Variants in CDK8 observed in about 807,000 individuals in gnomAD.
CDK8 encodes cyclin dependent kinase 8.
A neutral mutation model predicts 71.5 loss-of-function variants in CDK8; 29 were observed. The ratio of observed to expected loss-of-function variants is 0.41; its 90% CI spans 0.30 to 0.55. The LOEUF (loss-of-function observed/expected upper bound fraction) is 0.55. CDK8 is among the 20% of genes least tolerant of loss of function. The pLI is 0.37. For missense variants in CDK8, 288 were observed against 572.6 expected (o/e 0.50, Z 5.07); for synonymous variants, 161 against 192.1 (o/e 0.84, Z 1.34).
intron 1 of CDK8, among the ~76,000 whole-genome samples, chr13:26,315,694 T>C (rs1874479092): frequency 6.6e-6 from 1 of 152,238 alleles, no homozygotes; most frequent in African/African-American, 2.4e-5. Context: ...AAGTTGAGGC[T>C]TGCTTTCTAG....
chr13:26,369,448 CAAAAA>C (rs1162252506), intron 4 of CDK8, among the ~76,000 whole-genome samples: 1 of 46,674 alleles, frequency 2.1e-5, no homozygotes, highest in Non-Finnish European at 3.6e-5. Flanking sequence ...GACCCTGTCT[CAAAAA>C]AAAAAAAAAA....
intron 6 of CDK8, among the ~76,000 whole-genome samples, chr13:26,388,969 A>G (rs1314062497): frequency 6.6e-6 from 1 of 152,250 alleles, no homozygotes; most frequent in African/African-American, 2.4e-5. Flanking sequence ...TTGAGAAGAC[A>G]GTATGAATAT....
intron 12 of CDK8, 126 bp from the exon 13 acceptor site, chr13:26,403,830 T>A (rs987856460): frequency 8.9e-5 from 103 of 1,156,796 alleles, no homozygotes; most frequent in Non-Finnish European, 1.2e-4. Flanking sequence ...AATTATAAAG[T>A]TAGTACATAG....
chr13:26,355,037 A>G (rs1221563315), intron 4 of CDK8, among the ~76,000 whole-genome samples: 1 of 152,228 alleles, frequency 6.6e-6, no homozygotes, highest in African/African-American at 2.4e-5. Context: ...AATATCCTGT[A>G]GGCTATGAGG....
intron 4 of CDK8, among the ~76,000 whole-genome samples, chr13:26,371,265 C>T (rs1874670415): frequency 6.6e-6 from 1 of 152,146 alleles, no homozygotes; most frequent in Non-Finnish European, 1.5e-5. Flanking sequence ...TTTAGTCTGT[C>T]TGACAACATT....
rs557546038 is a variant in CDK8, at chr13:26,400,620, G to T, written c.1031+70G>T. ...GGAGTATGCTTTCTTCTGCTTGTCA[G>T]CTCTTAAGTTGCTCCTCCTCTTATA... On this transcript the variant is annotated intron_variant, in intron 10 of 12. Coordinates refer to ENST00000381527, the MANE Select transcript of CDK8 (RefSeq NM_001260.3). The T allele has an allele frequency of 1.5e-5, 14 of 913,024 alleles. No individual in the cohort carries two copies. The East Asian group carries it at 3.4e-4, about 22-fold the overall frequency. The allele number at this position is 913,024 out of a possible 1,614,324, so 56.6% of individuals were successfully genotyped here. A position where few individuals can be genotyped will look rare whatever the true frequency, so the allele number is the denominator to read the frequency against.
At chr13:26,323,283 C>A (rs1217682881) in intron 1 of CDK8, among the ~76,000 whole-genome samples, 4 of 146,576 alleles carry the variant, frequency 2.7e-5, no homozygotes, top group African/African-American at 1.0e-4. Flanking sequence ...TGTCTTCTCA[C>A]TGTGTCCTCA....
chr13:26,384,396 G>C (rs540820461), intron 5 of CDK8, among the ~76,000 whole-genome samples: 5 of 152,258 alleles, frequency 3.3e-5, no homozygotes, highest in African/African-American at 1.2e-4. Flanking sequence ...CATTCAACAT[G>C]TATTAGGCAA....
rs891725757 is a variant in CDK8 at position 26,393,346 on chromosome 13, TTTTTTCTTTTTG to T, written c.647-16_647-5del. On this transcript the variant is annotated splice_polypyrimidine_tract_variant and intron_variant, in intron 6 of 12. Transcript: ENST00000381527. ...TCCTTGCCTATTTTTCTTTCTTTTTTTTTTTCTTTTTGTTTTAAAGATATTTGGGCTATAGGG... is the reference window on the plus strand; with the variant it reads ...TCCTTGCCTATTTTTCTTTCTTTTTTTTTTAAAGATATTTGGGCTATAGGG... The T allele has an allele frequency of 2.7e-6, 4 of 1,465,106 alleles. No individual in the cohort carries two copies. In the African/African-American group the frequency reaches 4.3e-5, roughly 16 times the overall value. The allele number at this position is 1,465,106 out of a possible 1,614,324, so 90.8% of individuals were successfully genotyped here.
In CDK8 at chr13:26,348,030, A is replaced by G. The variant is rs11842445; in HGVS notation, c.205-1042A>G. On this transcript the variant is annotated intron_variant, in intron 2 of 12. Transcript: ENST00000381527. ...ATCACAATAACCAGAGGTGAAAACA[A>G]TCCATGAACATCAACAGATGAATGG... Among the ~76,000 whole-genome samples the G allele has an allele frequency of 2.1e-3, 319 of 152,216 alleles. 1 individual carries two copies. The highest frequency in any genetic ancestry group is 7.4e-3 in the African/African-American group (308 of 41,536).
intron 1 of CDK8, among the ~76,000 whole-genome samples, chr13:26,295,553 A>G (rs930390257): frequency 1.3e-5 from 2 of 152,172 alleles, no homozygotes; most frequent in Admixed American, 1.3e-4. Context: ...AGAGTCTTTG[A>G]AGAACTTTGT....
chr13:26,346,138 T>A (rs1873452711), intron 2 of CDK8, among the ~76,000 whole-genome samples: 1 of 152,216 alleles, frequency 6.6e-6, no homozygotes, highest in South Asian at 2.1e-4. Flanking sequence ...CCTAGGAATG[T>A]AACCTTGAGC....
At chr13:26,320,488 G>A (rs1348256395) in intron 1 of CDK8, among the ~76,000 whole-genome samples, 1 of 151,956 alleles carries the variant, frequency 6.6e-6, no homozygotes, top group Non-Finnish European at 1.5e-5. Context: ...TTGATTTCTT[G>A]GATATGGCAC....
Position 26,291,540 on chromosome 13 carries a change from G to A in CDK8, c.128+36771G>A, listed in dbSNP as rs566869946. Among the ~76,000 whole-genome samples, 40 of 152,084 alleles carry A rather than the reference G, an allele frequency of 2.6e-4. 1 individual carries two copies. In the South Asian group the frequency reaches 8.3e-3, roughly 32 times the overall value. ...AGATTTTTAAAAGTAGAATTGCACT[G>A]TAAAGTTTACAACAAAAAACAGCAA... On this transcript the variant is annotated intron_variant, in intron 1 of 12. Coordinates refer to ENST00000381527, the MANE Select transcript of CDK8 (RefSeq NM_001260.3).
At chr13:26,396,384 G>T (rs1312325026) in intron 8 of CDK8, 30 bp downstream of exon 8, 4 of 1,117,654 alleles carry the variant, frequency 3.6e-6, no homozygotes, top group South Asian at 1.5e-5. Flanking sequence ...ACTCCTTGTT[G>T]ATTTTTGCTT....
At chr13:26,318,925 C>T (rs1417416010) in intron 1 of CDK8, among the ~76,000 whole-genome samples, 1 of 152,110 alleles carries the variant, frequency 6.6e-6, no homozygotes, top group African/African-American at 2.4e-5. Flanking sequence ...CCAGCTTTTA[C>T]CACTTCTGTG....
intron 1 of CDK8, among the ~76,000 whole-genome samples, chr13:26,301,731 C>T (rs1393788380): frequency 6.6e-6 from 1 of 152,314 alleles, no homozygotes; most frequent in East Asian, 1.9e-4. Flanking sequence ...TGATTACCTT[C>T]TTATCTAACA....
At chr13:26,263,127 T>G (rs1871845885) in intron 1 of CDK8, among the ~76,000 whole-genome samples, 1 of 150,436 alleles carries the variant, frequency 6.6e-6, no homozygotes, top group African/African-American at 2.5e-5. Context: ...AAGGAGTAGG[T>G]TTTTTTTGTT....
Position 26,401,137 on chromosome 13 carries a change from A to G in CDK8, c.1032-132A>G. The G allele has an allele frequency of 1.4e-6, 1 of 693,880 alleles. No individual in the cohort carries two copies. The highest frequency in any genetic ancestry group is 1.9e-5 in the South Asian group (1 of 51,726). 43.0% of individuals were successfully genotyped at this position (693,880 alleles called of 1,614,324 possible). Reference sequence around the variant, plus strand: ...AAAAGATTCGTTTTGTCACAGTTACATGAAAGGTGCTTATATTTGCAAATA... The same window carrying G: ...AAAAGATTCGTTTTGTCACAGTTACGTGAAAGGTGCTTATATTTGCAAATA... On this transcript the variant is annotated intron_variant, in intron 10 of 12. Transcript: ENST00000381527. This position sits in a 1 kb window ranked among gnomAD's most constrained non-coding sequence, Gnocchi z 4.5.
Sources: allele counts gnomAD v4.1 joint callset (sites outside exome capture counted in the v4.1 genomes callset), GRCh38; gene constraint gnomAD v4.1.1; non-coding constraint Gnocchi (gnomAD v3.1); transcripts MANE v1.5; gene names NCBI Gene and HGNC (gene_info 2026-07-23, HGNC 2026-07-21).